SLMAP: variants seen among roughly 807,000 people sequenced by gnomAD.
SLMAP encodes the protein sarcolemmal membrane-associated protein.
SLMAP carries 44 observed loss-of-function variants against 128.8 expected under a neutral mutation model. The ratio of observed to expected loss-of-function variants is 0.34; its 90% confidence interval spans 0.27 to 0.44. The LOEUF (loss-of-function observed/expected upper bound fraction) is 0.44. Ranked by LOEUF, SLMAP falls within the 20% of genes least tolerant of loss-of-function variation. The pLI is 1.00. For missense variants in SLMAP, 787 were observed against 985.3 expected, an observed-to-expected ratio of 0.80 and a Z score of 2.69; for synonymous variants, 327 against 348.8, an observed-to-expected ratio of 0.94 and a Z score of 0.70.
At chr3:57,898,812 G>A (rs1179612607) in intron 17 of SLMAP, 3 of 152,184 alleles carry the variant, frequency 2.0e-5, no homozygotes, top group African/African-American at 7.2e-5. Context: ...TCATAGGTTT[G>A]CCATTTATTT....
At chr3:57,830,591 T>G (rs2093273775) in intron 2 of SLMAP, among the ~76,000 whole-genome samples, 2 of 152,334 alleles carry the variant, frequency 1.3e-5, no homozygotes, top group Admixed American at 1.3e-4. Flanking sequence ...TAGGTAGGCT[T>G]CTTGTGCCTC....
chr3:57,763,868 A>C (rs1156800030), intron 2 of SLMAP, among the ~76,000 whole-genome samples: 3 of 152,204 alleles, frequency 2.0e-5, no homozygotes, highest in Non-Finnish European at 4.4e-5. Context: ...AGGATGGAAT[A>C]AAAAGCAGAT....
intron 14 of SLMAP, among the ~76,000 whole-genome samples, chr3:57,876,638 C>T (rs1248442114): frequency 3.3e-5 from 5 of 152,140 alleles, no homozygotes; most frequent in East Asian, 1.9e-4. Flanking sequence ...TAAAGTTTAC[C>T]GTATAAACTT....
intron 23 of SLMAP, 138 bp from the exon 24 acceptor site, chr3:57,925,707 G>A (rs1273160500): frequency 1.6e-6 from 1 of 637,522 alleles, no homozygotes; most frequent in East Asian, 2.7e-5. Context: ...TAAAATGTTT[G>A]AATCTGTGTA....
intron 2 of SLMAP, among the ~76,000 whole-genome samples, chr3:57,816,359 G>T (rs1285960782): frequency 6.6e-6 from 1 of 152,034 alleles, no homozygotes; most frequent in Non-Finnish European, 1.5e-5. Flanking sequence ...GGCCAGGCTG[G>T]TCTCAAACTC....
chr3:57,824,277 T>A (rs1031421816), intron 2 of SLMAP, among the ~76,000 whole-genome samples: 2 of 152,066 alleles, frequency 1.3e-5, no homozygotes, highest in African/African-American at 4.8e-5. Flanking sequence ...AAGGGACTTA[T>A]GAGAAGACAT....
intron 2 of SLMAP, among the ~76,000 whole-genome samples, chr3:57,776,255 T>G (rs945107376): frequency 1.3e-5 from 2 of 152,204 alleles, no homozygotes; most frequent in African/African-American, 4.8e-5. Flanking sequence ...ATTTATATAA[T>G]GTTTATACAT....
chr3:57,886,875 G>A (rs1196873817), intron 14 of SLMAP, among the ~76,000 whole-genome samples: 2 of 152,064 alleles, frequency 1.3e-5, no homozygotes, highest in Non-Finnish European at 2.9e-5. Context: ...ATCTAGAACG[G>A]GTAAATCCAT....
At chr3:57,846,351 A>G (rs2153572820) in intron 4 of SLMAP, among the ~76,000 whole-genome samples, 1 of 152,278 alleles carries the variant, frequency 6.6e-6, no homozygotes. Flanking sequence ...AGTTTCATAC[A>G]TACATCTAAG....
At chr3:57,761,774 G>T (rs1426615898) in intron 2 of SLMAP, among the ~76,000 whole-genome samples, 2 of 151,826 alleles carry the variant, frequency 1.3e-5, no homozygotes, top group African/African-American at 2.4e-5. Flanking sequence ...AAGGCCGGGC[G>T]CGGTGGCTCA....
At chr3:57,897,053 G>T (rs756716254) in intron 17 of SLMAP, 121 bp downstream of exon 17, 6 of 1,478,580 alleles carry the variant, frequency 4.1e-6, no homozygotes, top group African/African-American at 2.9e-5. Flanking sequence ...GATAGGTTCT[G>T]TAAAGTAGCA....
At chr3:57,817,331 T>C (rs1273374590) in intron 2 of SLMAP, among the ~76,000 whole-genome samples, 1 of 152,186 alleles carries the variant, frequency 6.6e-6, no homozygotes. Context: ...TTATTACCGT[T>C]ATTATGCACT....
intron 2 of SLMAP, among the ~76,000 whole-genome samples, chr3:57,830,674 A>C (rs1459304564): frequency 2.0e-5 from 3 of 152,174 alleles, no homozygotes; most frequent in Non-Finnish European, 4.4e-5. Flanking sequence ...AACCATCACC[A>C]CTAATTTTAG....
In SLMAP at chr3:57,757,721, C is replaced by T; in HGVS notation, c.70C>T (p.Leu24=). The T allele has an allele frequency of 6.2e-7, 1 of 1,614,164 alleles. No homozygotes were observed. ...SHPFQERHVY[L]DEPIKIGRSV... is the part of the protein sequence containing the mutation. ...CCCGTTTCAGGAGCGTCATGTCTAC[C>T]TGGACGAGCCCATCAAAATCGGCCG... The change falls in exon 2 of 25, where the codon CTG becomes TTG. Residue 24 remains leucine (L), a synonymous_variant. Coordinates refer to ENST00000671191, the MANE Select transcript of SLMAP (RefSeq NM_001377540.1).
intron 22 of SLMAP, chr3:57,917,782 C>G (rs1032443747): frequency 3.9e-5 from 6 of 152,328 alleles, no homozygotes; most frequent in African/African-American, 9.7e-5. Context: ...TGGCCTCATA[C>G]CACTCCCTGC....
chr3:57,889,841 A>T (rs923528742), intron 14 of SLMAP, 200 bp from the exon 15 acceptor site: 1 of 427,572 alleles, frequency 2.3e-6, no homozygotes, highest in African/African-American at 2.0e-5. Context: ...GCCTGCCCCT[A>T]GTTTTCTGCA....
At chr3:57,902,078 A>G (rs550321064) in intron 17 of SLMAP, 1 of 152,308 alleles carries the variant, frequency 6.6e-6, no homozygotes, top group South Asian at 2.1e-4. Flanking sequence ...ATAATGTATG[A>G]ACCTTGTATG....
rs142870308 is a variant in SLMAP, at chr3:57,881,239, A to G, written c.1301-8802A>G. On this transcript the variant is annotated intron_variant, in intron 14 of 24. Coordinates refer to ENST00000671191, the MANE Select transcript of SLMAP (RefSeq NM_001377540.1). The stretch of plus-strand genomic sequence containing the variant: ...AAGAAGAAAGAAAGCCTTCTACTCT[A>G]TCGCTCTTTGAGTTGTACCAAGTTA... 9.3e-4 allele frequency among the ~76,000 whole-genome samples: 142 copies of G among 152,210 alleles called. No homozygotes were observed. The East Asian group carries it at 0.019, about 20-fold the overall frequency.
At chr3:57,769,834 C>T (rs949154804) in intron 2 of SLMAP, among the ~76,000 whole-genome samples, 3 of 152,096 alleles carry the variant, frequency 2.0e-5, no homozygotes, top group Non-Finnish European at 4.4e-5. Flanking sequence ...ATAGATAGTA[C>T]GTTTCCAATC....
Sources: gnomAD v4.1 joint callset for allele counts (sites outside exome capture counted in the v4.1 genomes callset) on GRCh38, gnomAD v4.1.1 for gene constraint, MANE v1.5 for transcripts, NCBI Gene and HGNC (gene_info 2026-07-23, HGNC 2026-07-21) for gene names.